Variants in GRIN2B observed in about 807,000 individuals in gnomAD.
GRIN2B encodes the protein glutamate receptor ionotropic, NMDA 2B.
GRIN2B carries 5 observed loss-of-function variants against 114.5 expected under a neutral mutation model. That is an observed-to-expected ratio of 0.04 (90% CI 0.02 to 0.09). GRIN2B has a LOEUF of 0.09. Ranked by LOEUF, GRIN2B falls within the 10% of genes least tolerant of loss-of-function variation. GRIN2B has a pLI of 1.00. For missense variants in GRIN2B, 1,108 were observed against 1,943.5 expected, an observed-to-expected ratio of 0.57 and a Z score of 8.08; for synonymous variants, 787 against 745.1, an observed-to-expected ratio of 1.06 and a Z score of -0.92.
chr12:13,639,378 G>C (rs1467551305), intron 5 of GRIN2B, among the ~76,000 whole-genome samples: 1 of 152,092 alleles, frequency 6.6e-6, no homozygotes, highest in Non-Finnish European at 1.5e-5. Flanking sequence ...ACACTGAAGA[G>C]GTCAGTTCTA....
At chr12:13,743,733 T>A (rs1311669957) in intron 4 of GRIN2B, among the ~76,000 whole-genome samples, 2 of 152,160 alleles carry the variant, frequency 1.3e-5, no homozygotes, top group Admixed American at 6.5e-5. Flanking sequence ...CCTTCACATG[T>A]TTGTTATAAT....
intron 10 of GRIN2B, 62 bp downstream of exon 10, chr12:13,608,541 C>CT: frequency 7.9e-7 from 1 of 1,263,398 alleles, no homozygotes; most frequent in Non-Finnish European, 1.2e-6. Flanking sequence ...TACATGAGAA[C>CT]TTTGAGTATG....
chr12:13,834,352 T>C (rs768308095), intron 3 of GRIN2B, among the ~76,000 whole-genome samples: 7 of 151,988 alleles, frequency 4.6e-5, no homozygotes, highest in Non-Finnish European at 8.8e-5. Flanking sequence ...AGCTAACTTC[T>C]AGAACTAGAA....
intron 3 of GRIN2B, among the ~76,000 whole-genome samples, chr12:13,820,191 A>G (rs1864907637): frequency 1.3e-5 from 2 of 152,154 alleles, no homozygotes; most frequent in Non-Finnish European, 2.9e-5. Flanking sequence ...TACAGTCCCC[A>G]TGGAGCCCAC....
chr12:13,836,155 C>T (rs1247670586), intron 3 of GRIN2B, among the ~76,000 whole-genome samples: 1 of 152,218 alleles, frequency 6.6e-6, no homozygotes, highest in Non-Finnish European at 1.5e-5. Flanking sequence ...ACACAGCTGC[C>T]AGCCCAGTAC....
chr12:13,830,393 T>C (rs1452910880), intron 3 of GRIN2B, among the ~76,000 whole-genome samples: 4 of 152,228 alleles, frequency 2.6e-5, no homozygotes, highest in African/African-American at 4.8e-5. Flanking sequence ...GACTTCTAGA[T>C]TTATGATCCT....
Position 13,913,043 on chromosome 12 carries a change from C to G in GRIN2B, c.-18-46817G>C, listed in dbSNP as rs527341379. On this transcript the variant is annotated intron_variant, in intron 2 of 13. Transcript: ENST00000609686. ...ATGACTGAGCTCCCCAAGCATGCCC[C>G]CCAGCCTTCCACCTGAGTCGAGAGT... Among the ~76,000 whole-genome samples, 26 of 152,250 alleles carry G rather than the reference C, an allele frequency of 1.7e-4. No homozygotes were observed. In the East Asian group the frequency reaches 3.7e-3, roughly 21 times the overall value.
intron 10 of GRIN2B, among the ~76,000 whole-genome samples, chr12:13,607,313 A>AT (rs1949276331): frequency 1.9e-5 from 1 of 51,350 alleles, no homozygotes; most frequent in Non-Finnish European, 3.6e-5. Flanking sequence ...TATTATATAT[A>AT]ATATAAAATA....
chr12:13,721,940 A>C (rs1862888808), intron 4 of GRIN2B, among the ~76,000 whole-genome samples: 1 of 152,150 alleles, frequency 6.6e-6, no homozygotes, highest in African/African-American at 2.4e-5. Context: ...AAATCACAAG[A>C]GTGTAGCTTC....
intron 5 of GRIN2B, among the ~76,000 whole-genome samples, chr12:13,665,394 C>G (rs190017836): frequency 5.9e-5 from 9 of 152,234 alleles, no homozygotes; most frequent in African/African-American, 2.2e-4. Flanking sequence ...TTTCTTAACA[C>G]GTAGTTTTAA....
At chr12:13,797,744 A>G (rs1037903216) in intron 3 of GRIN2B, among the ~76,000 whole-genome samples, 1 of 152,208 alleles carries the variant, frequency 6.6e-6, no homozygotes, top group Admixed American at 6.5e-5. Context: ...TTAAAACTCT[A>G]TAAACAGACT....
At chr12:13,911,677 C>A (rs1346518887) in intron 2 of GRIN2B, among the ~76,000 whole-genome samples, 1 of 152,094 alleles carries the variant, frequency 6.6e-6, no homozygotes, top group African/African-American at 2.4e-5. Flanking sequence ...CAGCCTAGTA[C>A]GTACACACGC....
chr12:13,661,766 G>A (rs1412577605), intron 5 of GRIN2B, among the ~76,000 whole-genome samples: 2 of 152,186 alleles, frequency 1.3e-5, no homozygotes, highest in African/African-American at 4.8e-5. Context: ...CGCAGAATGT[G>A]AACGCAGTGT....
chr12:13,661,965 G>A (rs1949928027), intron 5 of GRIN2B, among the ~76,000 whole-genome samples: 1 of 152,156 alleles, frequency 6.6e-6, no homozygotes, highest in South Asian at 2.1e-4. Flanking sequence ...CAGGTCCCAT[G>A]TTGTGTCACA....
intron 3 of GRIN2B, among the ~76,000 whole-genome samples, chr12:13,773,906 C>T (rs551313982): frequency 1.3e-5 from 2 of 152,286 alleles, no homozygotes; most frequent in Admixed American, 6.5e-5. Flanking sequence ...AACAGAGGTC[C>T]TGCCTTGGGA....
chr12:13,870,401 C>G (rs78971539), intron 2 of GRIN2B, among the ~76,000 whole-genome samples: 1 of 152,062 alleles, frequency 6.6e-6, no homozygotes, highest in Admixed American at 6.6e-5. Flanking sequence ...GAAGCTTGGG[C>G]TAAGTGATCC....
chr12:13,667,059 G>C (rs1323852010), intron 5 of GRIN2B, among the ~76,000 whole-genome samples: 1 of 152,128 alleles, frequency 6.6e-6, no homozygotes, highest in East Asian at 1.9e-4. Context: ...AATAGAAACA[G>C]CGCTGGAAAG....
Position 13,809,148 on chromosome 12 carries a change from C to T in GRIN2B, c.412-55233G>A, listed in dbSNP as rs562720460. Among the ~76,000 whole-genome samples the T allele has an allele frequency of 3.2e-4, 48 of 152,268 alleles. 1 individual carries two copies. The highest frequency in any genetic ancestry group is 1.1e-3 in the African/African-American group (44 of 41,562). On this transcript the variant is annotated intron_variant, in intron 3 of 13. Transcript: ENST00000609686. ...ATAGATGCCAGTATCAACCCCACCCCAACTTGCCAAATGTCTTCTGGAAGC... is the reference window on the plus strand; with the variant it reads ...ATAGATGCCAGTATCAACCCCACCCTAACTTGCCAAATGTCTTCTGGAAGC...
At chr12:13,859,238 C>T (rs1226461471) in intron 3 of GRIN2B, among the ~76,000 whole-genome samples, 2 of 152,186 alleles carry the variant, frequency 1.3e-5, no homozygotes, top group East Asian at 3.9e-4. Context: ...TCTCCTTGTG[C>T]TGGTACCTTC....
Sources: allele counts gnomAD v4.1 joint callset (sites outside exome capture counted in the v4.1 genomes callset), GRCh38; gene constraint gnomAD v4.1.1; transcripts MANE v1.5; gene names NCBI Gene and HGNC (gene_info 2026-07-23, HGNC 2026-07-21).